ERVK3-1: variants seen among roughly 807,000 people sequenced by gnomAD.
ERVK3-1 encodes HERV-K(HML6-1).
chr19:58,312,418 CCT>C lies in ERVK3-1; in HGVS notation c.251_252del (p.Pro84ArgfsTer20), dbSNP rs2051562126. ...GGAGCGCCAGGGTCAGGCAAAAACC[CCT>C]GACTCCATGTTCTTGGCCATGCTAG... On this transcript the variant is annotated frameshift_variant, in exon 3 of 4. Coordinates refer to ENST00000413518, the Ensembl canonical transcript of ERVK3-1. LOFTEE classifies it high-confidence loss of function. This position sits in a 1 kb window ranked among gnomAD's most constrained non-coding sequence, Gnocchi z 4.7. 2.5e-6 allele frequency: 1 copy of C among 400,188 alleles called. No individual in the cohort carries two copies. Among genetic ancestry groups the C allele is most frequent in the Non-Finnish European group, 4.4e-6 (1 of 226,108 alleles). The allele number at this position is 400,188 out of a possible 1,614,324, so 24.8% of individuals were successfully genotyped here.
rs1157338950 is a variant in ERVK3-1, at chr19:58,313,543, G to A, written c.294+1081G>A. On this transcript the variant is annotated intron_variant, in intron 3 of 3. Transcript: ENST00000413518. The surrounding 1 kb of genome is among the most constrained non-coding windows in gnomAD (Gnocchi z 4.5). ...CCTGACCTCGTGATCCACCCGCCTT[G>A]GCTTCCCAAAGTGCTGGGATTACAG... Among the ~76,000 whole-genome samples, 1 of 152,108 alleles carries A rather than the reference G, an allele frequency of 6.6e-6. No individual in the cohort carries two copies. The highest frequency in any genetic ancestry group is 1.5e-5 in the Non-Finnish European group (1 of 68,010).
At chr19:58,314,850 C>T (rs761328435) in exon 4 of ERVK3-1, 6 of 399,410 alleles carry the variant, frequency 1.5e-5, no homozygotes, top group Non-Finnish European at 2.2e-5. Context: ...TGTTGGAGGC[C>T]GAAGGAATGA....
At chr19:58,314,016 T>C (rs2051573722) in intron 3 of ERVK3-1, among the ~76,000 whole-genome samples, 1 of 152,148 alleles carries the variant, frequency 6.6e-6, no homozygotes, top group African/African-American at 2.4e-5. Context: ...CAAAATAAAA[T>C]TAATACCGAA....
intron 2 of ERVK3-1, among the ~76,000 whole-genome samples, chr19:58,307,620 C>T (rs1276174983): frequency 3.3e-5 from 5 of 150,168 alleles, no homozygotes; most frequent in African/African-American, 7.6e-5. Flanking sequence ...CCCCCCTCCC[C>T]GCCCCGCTCC....
At chr19:58,305,728 A>G (rs554629623) in intron 1 of ERVK3-1, among the ~76,000 whole-genome samples, 41 of 152,316 alleles carry the variant, frequency 2.7e-4, no homozygotes, top group Non-Finnish European at 5.0e-4. Flanking sequence ...TGGAGGCTCT[A>G]TGAGCAAACC....
At chr19:58,311,169 CTTG>C (rs2051554588) in intron 2 of ERVK3-1, 1 of 152,306 alleles carries the variant, frequency 6.6e-6, no homozygotes, top group South Asian at 2.1e-4. Context: ...TATAACTATT[CTTG>C]TTTTATATTT....
At chr19:58,316,276 T>C (rs1426419180), downstream of ERVK3-1, among the ~76,000 whole-genome samples, 3 of 152,184 alleles carry the variant, frequency 2.0e-5, no homozygotes, top group Non-Finnish European at 2.9e-5. Context: ...CCACTCAGCA[T>C]TGGGTAGAGA....
At position 58,305,850 on chromosome 19, in the gene ERVK3-1, T is replaced by C. The variant is rs11878953; in HGVS notation, c.-132-238T>C. 7.2e-3 allele frequency among the ~76,000 whole-genome samples: 1,102 copies of C among 152,322 alleles called. 16 individuals are homozygous for C. The highest frequency in any genetic ancestry group is 0.021 in the African/African-American group (893 of 41,582). On this transcript the variant is annotated intron_variant, in intron 1 of 3. Coordinates refer to ENST00000413518, the Ensembl canonical transcript of ERVK3-1. ...AGGTCCCCTGCTCCTTGAGGTTATC[T>C]ACAGGAACATCTGGAACCTGCTGAA...
chr19:58,312,962 A>C lies in ERVK3-1; in HGVS notation c.294+500A>C, dbSNP rs1376146662. On this transcript the variant is annotated intron_variant, in intron 3 of 3. Coordinates refer to ENST00000413518, the Ensembl canonical transcript of ERVK3-1. The surrounding 1 kb of genome is among the most constrained non-coding windows in gnomAD (Gnocchi z 4.7). ...TGGCCATTTAGAGGGGAGAGATGAA[A>C]ATCAGACCTCTTGGCACAAACTTCA... 1 of 152,318 alleles carries C rather than the reference A, an allele frequency of 6.6e-6. No homozygotes were observed. The allele number at this position is 152,318 out of a possible 1,614,324, so 9.4% of individuals were successfully genotyped here. A position where few individuals can be genotyped will look rare whatever the true frequency, so the allele number is the denominator to read the frequency against.
intron 2 of ERVK3-1, chr19:58,311,393 C>G (rs772364827): frequency 6.6e-6 from 1 of 152,226 alleles, no homozygotes; most frequent in Non-Finnish European, 1.5e-5. Context: ...AATGATAGAG[C>G]AGATAAATTC....
chr19:58,312,247 G>A lies in ERVK3-1; in HGVS notation c.79G>A (p.Val27Met), dbSNP rs886777609. The A allele has an allele frequency of 2.0e-5, 8 of 400,022 alleles. No homozygotes were observed. Among genetic ancestry groups the A allele is most frequent in the Non-Finnish European group, 3.5e-5 (8 of 226,084 alleles). The allele number at this position is 400,022 out of a possible 1,614,324, so 24.8% of individuals were successfully genotyped here. A position where few individuals can be genotyped will look rare whatever the true frequency, so the allele number is the denominator to read the frequency against. The stretch of plus-strand genomic sequence containing the variant: ...CCGGAGGGATCCATGGTATTCAACC[G>A]TGGGCCTGTTACCTCCAGTACGAGC... Residue 27 changes from valine (V) to methionine (M), a missense_variant, in exon 3 of 4, where the codon GTG (valine) becomes ATG (methionine). Transcript: ENST00000413518. The surrounding 1 kb of genome is among the most constrained non-coding windows in gnomAD (Gnocchi z 4.7).
chr19:58,307,635 A>AAC (rs367791961), intron 2 of ERVK3-1, among the ~76,000 whole-genome samples: 5 of 54,958 alleles, frequency 9.1e-5, no homozygotes, highest in Non-Finnish European at 1.8e-4. Flanking sequence ...CGCTCCCCCC[A>AAC]ACACACACAC....
At chr19:58,315,819 A>G (rs1180226976), downstream of ERVK3-1, among the ~76,000 whole-genome samples, 4 of 152,280 alleles carry the variant, frequency 2.6e-5, no homozygotes, top group East Asian at 5.8e-4. Flanking sequence ...CTCATTAGCC[A>G]TACTTCATTT....
Position 58,312,389 on chromosome 19 carries a change from T to C in ERVK3-1, c.221T>C (p.Leu74Pro). 1 of 400,192 alleles carries C rather than the reference T, an allele frequency of 2.5e-6. No individual in the cohort carries two copies. Among genetic ancestry groups the C allele is most frequent in the East Asian group, 3.6e-5 (1 of 28,088 alleles). The allele number at this position is 400,192 out of a possible 1,614,324, so 24.8% of individuals were successfully genotyped here. ...AAAACGACACAAGAAGCTGAGAAACTACTGGAGCGCCAGGGTCAGGCAAAA... is the reference window on the plus strand; with the variant it reads ...AAAACGACACAAGAAGCTGAGAAACCACTGGAGCGCCAGGGTCAGGCAAAA... The change falls in exon 3 of 4, where the codon CTA becomes CCA. Residue 74 changes from leucine to proline, a missense_variant. Coordinates refer to ENST00000413518, the Ensembl canonical transcript of ERVK3-1. The surrounding 1 kb of genome is among the most constrained non-coding windows in gnomAD (Gnocchi z 4.7).
Position 58,310,009 on chromosome 19 carries a change from G to A in ERVK3-1, c.-3-2157G>A, listed in dbSNP as rs1224969962. 1.3e-5 allele frequency: 2 copies of A among 152,112 alleles called. No homozygotes were observed. Among genetic ancestry groups the A allele is most frequent in the African/African-American group, 4.8e-5 (2 of 41,412 alleles). The allele number at this position is 152,112 out of a possible 1,614,324, so 9.4% of individuals were successfully genotyped here. A position where few individuals can be genotyped will look rare whatever the true frequency, so the allele number is the denominator to read the frequency against. On this transcript the variant is annotated intron_variant, in intron 2 of 3. Coordinates refer to ENST00000413518, the Ensembl canonical transcript of ERVK3-1. This position sits in a 1 kb window ranked among gnomAD's most constrained non-coding sequence, Gnocchi z 4.7. ...TCACCCTTTTATTCCCCCTGTGATT[G>A]CTCATCACAAACCCATTTCAGGTGG...
chr19:58,314,356 G>T (rs370944930), intron 3 of ERVK3-1, among the ~76,000 whole-genome samples: 1 of 151,570 alleles, frequency 6.6e-6, no homozygotes, highest in South Asian at 2.1e-4. Flanking sequence ...GCCGGGTGCG[G>T]TGGCTCACGC....
chr19:58,312,589 G>A lies in ERVK3-1; in HGVS notation c.294+127G>A, dbSNP rs1003552385. On this transcript the variant is annotated intron_variant, in intron 3 of 3. Transcript: ENST00000413518. This position sits in a 1 kb window ranked among gnomAD's most constrained non-coding sequence, Gnocchi z 4.7. ...TTATGATCAGGGAGCGTGGGCACCA[G>A]GACCCCTAACTCCGTCTGACACAGA... 2.5e-6 allele frequency: 1 copy of A among 398,318 alleles called. No individual in the cohort carries two copies. Among genetic ancestry groups the A allele is most frequent in the African/African-American group, 2.1e-5 (1 of 48,588 alleles). 24.7% of individuals were successfully genotyped at this position (398,318 alleles called of 1,614,324 possible). A position where few individuals can be genotyped will look rare whatever the true frequency, so the allele number is the denominator to read the frequency against.
chr19:58,308,623 C>A (rs767608309), intron 2 of ERVK3-1, among the ~76,000 whole-genome samples: 1 of 152,142 alleles, frequency 6.6e-6, no homozygotes, highest in African/African-American at 2.4e-5. Flanking sequence ...AACCCCGGTC[C>A]GGTATCGGTA....
intron 2 of ERVK3-1, among the ~76,000 whole-genome samples, chr19:58,306,886 T>C (rs1383906966): frequency 6.6e-6 from 1 of 152,230 alleles, no homozygotes; most frequent in Non-Finnish European, 1.5e-5. Flanking sequence ...ACAGAGCCCA[T>C]TTACTTTAGG....
Sources: gnomAD v4.1 joint callset for allele counts (sites outside exome capture counted in the v4.1 genomes callset) on GRCh38, gnomAD v4.1.1 for gene constraint, Gnocchi (gnomAD v3.1) non-coding constraint, MANE v1.5 for transcripts, NCBI Gene and HGNC (gene_info 2026-07-23, HGNC 2026-07-21) for gene names.